RCC1L: variants seen among roughly 807,000 people sequenced by gnomAD.
RCC1L encodes RCC1 like.
RCC1L carries 46 observed loss-of-function variants against 58.6 expected under a neutral mutation model. That is an observed-to-expected ratio of 0.79 (90% CI 0.62 to 1.00). The LOEUF (loss-of-function observed/expected upper bound fraction) is 1.00, where lower values mean the gene tolerates loss of function less well. Ranked by LOEUF, RCC1L falls within the 50% of genes least tolerant of loss-of-function variation. RCC1L has a pLI of 0.00. For synonymous variants in RCC1L, 281 were observed against 262.9 expected (o/e 1.07, Z -0.67); for missense variants, 636 against 623.6 (o/e 1.02, Z -0.21).
At chr7:75,032,536 T>C (rs1398994892) in intron 10 of RCC1L, among the ~76,000 whole-genome samples, 1 of 151,982 alleles carries the variant, frequency 6.6e-6, no homozygotes, top group Non-Finnish European at 1.5e-5. Flanking sequence ...CTCTCTGAGA[T>C]TTTCCATGGG....
chr7:75,045,915 C>A (rs1421190197), intron 10 of RCC1L, among the ~76,000 whole-genome samples: 2 of 152,376 alleles, frequency 1.3e-5, no homozygotes, highest in Non-Finnish European at 1.5e-5. Context: ...CTGACCAGAT[C>A]CGAATTCGAC....
In RCC1L at chr7:75,070,547, G is replaced by A; in HGVS notation, c.454+93C>T. 4 of 1,519,820 alleles carry A rather than the reference G, an allele frequency of 2.6e-6. No homozygotes were observed. The South Asian group carries it at 5.0e-5, about 19-fold the overall frequency. The allele number at this position is 1,519,820 out of a possible 1,614,324, so 94.1% of individuals were successfully genotyped here. A position where few individuals can be genotyped will look rare whatever the true frequency, so the allele number is the denominator to read the frequency against. On this transcript the variant is annotated intron_variant, in intron 2 of 10. Transcript: ENST00000610322. ...GATCTCGCCACTGCACTCTAGCCTG[G>A]CAACAGACTGAGACTCTGTCTCAAA...
intron 1 of RCC1L, 152 bp from the exon 2 acceptor site, chr7:75,070,921 T>G: frequency 1.1e-6 from 1 of 944,478 alleles, no homozygotes. Flanking sequence ...TTGCCCAGGC[T>G]GGAGTGCAGT....
At position 75,058,590 on chromosome 7, in the gene RCC1L, G is replaced by A; in HGVS notation, c.967C>T (p.Gln323Ter). The change falls in exon 7 of 11, where the codon CAG becomes TAG. Residue 323 changes from glutamine (Q) to a stop codon, truncating the protein, a stop_gained and splice_region_variant. Transcript: ENST00000610322. LOFTEE classifies it high-confidence loss of function. ...CCACGCTGTCGGCGACTGCATACCTGTGTGGAGTCAGTGACAGAGGCCAGC... is the reference window on the plus strand; with the variant it reads ...CCACGCTGTCGGCGACTGCATACCTATGTGGAGTCAGTGACAGAGGCCAGC... ...LQLASVTDST[Q>*]VNVPRCLHFS... 1 of 1,602,770 alleles carries A rather than the reference G, an allele frequency of 6.2e-7. No individual in the cohort carries two copies.
At chr7:75,071,299 T>C (rs1554446057) in intron 1 of RCC1L, among the ~76,000 whole-genome samples, 1 of 152,178 alleles carries the variant, frequency 6.6e-6, no homozygotes, top group Non-Finnish European at 1.5e-5. Context: ...ATTTATGGTC[T>C]ATGTCAGCTT....
At chr7:75,065,115 A>G (rs981175790) in intron 3 of RCC1L, among the ~76,000 whole-genome samples, 9 of 151,968 alleles carry the variant, frequency 5.9e-5, no homozygotes, top group Admixed American at 5.9e-4. Context: ...CCAAGTGTGA[A>G]GTGACAGCCT....
chr7:75,063,387 T>C (rs1292185731), intron 4 of RCC1L, 44 bp from the exon 5 acceptor site: 9 of 1,601,786 alleles, frequency 5.6e-6, no homozygotes, highest in Non-Finnish European at 6.8e-6. Context: ...GATGCGGTCA[T>C]GACAAGCACT....
chr7:75,060,064 G>A (rs971102019), intron 6 of RCC1L, among the ~76,000 whole-genome samples: 8 of 152,058 alleles, frequency 5.3e-5, no homozygotes, highest in Admixed American at 2.0e-4. Flanking sequence ...GCCCGGCCCC[G>A]ATCTTTTTAC....
chr7:75,071,515 G>A (rs587613039), intron 1 of RCC1L, among the ~76,000 whole-genome samples: 2 of 152,064 alleles, frequency 1.3e-5, no homozygotes, highest in Non-Finnish European at 2.9e-5. Flanking sequence ...GCATGGTGGC[G>A]TGCGCCTGTA....
At position 75,063,199 on chromosome 7, in the gene RCC1L, C is replaced by T. The variant is rs925019294; in HGVS notation, c.702+93G>A. Reference sequence around the variant, plus strand: ...CTAAAATAATTTAATTCAGAAAATCCCCCTAACAAATTTGCCATCACCCTA... The same window carrying T: ...CTAAAATAATTTAATTCAGAAAATCTCCCTAACAAATTTGCCATCACCCTA... On this transcript the variant is annotated intron_variant, in intron 5 of 10. Coordinates refer to ENST00000610322, the MANE Select transcript of RCC1L (RefSeq NM_030798.5). 6.8e-5 allele frequency: 89 copies of T among 1,300,088 alleles called. 1 individual carries two copies. Among genetic ancestry groups the T allele is most frequent in the Middle Eastern group, 5.5e-4 (3 of 5,498 alleles). The allele number at this position is 1,300,088 out of a possible 1,614,324, so 80.5% of individuals were successfully genotyped here. A position where few individuals can be genotyped will look rare whatever the true frequency, so the allele number is the denominator to read the frequency against.
intron 6 of RCC1L, 89 bp downstream of exon 6, chr7:75,061,118 G>A (rs1806264272): frequency 9.6e-7 from 1 of 1,044,512 alleles, no homozygotes; most frequent in Admixed American, 1.7e-5. Context: ...AGGAAGAAGG[G>A]TTCTAGCCCA....
At chr7:75,029,864 C>A (rs1805252224) in intron 10 of RCC1L, among the ~76,000 whole-genome samples, 1 of 152,176 alleles carries the variant, frequency 6.6e-6, no homozygotes, top group East Asian at 1.9e-4. Context: ...TGGTGGGGGC[C>A]CATTCAAAGG....
intron 10 of RCC1L, among the ~76,000 whole-genome samples, chr7:75,051,311 T>C (rs922840106): frequency 2.4e-4 from 35 of 147,368 alleles, no homozygotes; most frequent in African/African-American, 4.6e-4. Context: ...CATATATATA[T>C]ACACACATAT....
At chr7:75,058,905 A>G in intron 6 of RCC1L, 136 bp from the exon 7 acceptor site, 1 of 1,000,348 alleles carries the variant, frequency 1.0e-6, no homozygotes, top group Non-Finnish European at 1.5e-6. Flanking sequence ...GGCTGGGTGC[A>G]GTGGCTCACG....
Position 75,058,753 on chromosome 7 carries a change from A to T in RCC1L, c.804T>A (p.Asn268Lys). 6.2e-7 allele frequency: 1 copy of T among 1,613,932 alleles called. No homozygotes were observed. The highest frequency in any genetic ancestry group is 8.5e-7 in the Non-Finnish European group (1 of 1,179,838). Residue 268 changes from asparagine (N) to lysine (K), a missense_variant, in exon 7 of 11, where the codon AAT (asparagine) becomes AAA (lysine). Physicochemically the swap from Asn to Lys is moderately conservative, Grantham distance 94 (BLOSUM62 0). Transcript: ENST00000610322. ...ADGQTGLGHY[N>K]ITSSPTKLGG... ...CCAGCTTGGTGGGCGAGCTGGTGAT[A>T]TTGTAGTGACCCAGACCTAACACAG...
intron 8 of RCC1L, chr7:75,056,407 G>T: frequency 9.8e-7 from 1 of 1,022,682 alleles, no homozygotes. Flanking sequence ...CCAGAGAATT[G>T]GAGGATGTTT....
At chr7:75,041,726 T>A (rs1805571547), downstream of RCC1L, among the ~76,000 whole-genome samples, 1 of 151,518 alleles carries the variant, frequency 6.6e-6, no homozygotes, top group Non-Finnish European at 1.5e-5. Context: ...TAGCTGGGTG[T>A]GGTGGCGCAC....
intron 10 of RCC1L, among the ~76,000 whole-genome samples, chr7:75,035,140 C>G (rs1172727175): frequency 6.6e-6 from 1 of 152,194 alleles, no homozygotes; most frequent in Non-Finnish European, 1.5e-5. Context: ...AAGTGATTCT[C>G]GTGCCTCAGC....
chr7:75,053,443 T>C (rs1490105361), intron 9 of RCC1L, among the ~76,000 whole-genome samples: 2 of 152,200 alleles, frequency 1.3e-5, no homozygotes, highest in East Asian at 3.8e-4. Flanking sequence ...CAATTTGTCA[T>C]TCCTGGATTG....
Sources: gnomAD v4.1 joint callset for allele counts (sites outside exome capture counted in the v4.1 genomes callset) on GRCh38, gnomAD v4.1.1 for gene constraint, MANE v1.5 for transcripts, NCBI Gene and HGNC (gene_info 2026-07-23, HGNC 2026-07-21) for gene names.